MRPL30: variants seen among roughly 807,000 people sequenced by gnomAD.
The protein encoded by MRPL30 is mitochondrial ribosomal protein L30, also known as large ribosomal subunit protein uL30m.
Under a neutral mutation model 17.2 loss-of-function variants are expected in MRPL30, and 10 were observed. The ratio of observed to expected loss-of-function variants is 0.58; its 90% CI spans 0.36 to 0.99. MRPL30 has a LOEUF of 0.99. MRPL30 is among the 50% of genes least tolerant of loss of function. The pLI is 0.01. For synonymous variants in MRPL30, 61 were observed against 62.1 expected (o/e 0.98, Z 0.08); for missense variants, 170 against 189.8 (o/e 0.90, Z 0.61).
chr2:99,193,880 A>G (rs2093950940), intron 3 of MRPL30, among the ~76,000 whole-genome samples: 1 of 152,092 alleles, frequency 6.6e-6, no homozygotes, highest in Non-Finnish European at 1.5e-5. Context: ...TCTACCAAAA[A>G]TAGAAAAATT....
Position 99,199,112 on chromosome 2 carries a change from G to A in MRPL30, c.*3407G>A, listed in dbSNP as rs1042578572. Among the ~76,000 whole-genome samples the A allele has an allele frequency of 5.3e-5, 8 of 151,974 alleles. No homozygotes were observed. The highest frequency in any genetic ancestry group is 1.9e-4 in the African/African-American group (8 of 41,376). ...ATGAAAAGCAAAGAAACTTCCATGCGGAGATTGTCTTGTTTTTCTCAAAAT... is the reference window on the plus strand; with the variant it reads ...ATGAAAAGCAAAGAAACTTCCATGCAGAGATTGTCTTGTTTTTCTCAAAAT... On this transcript the variant is annotated 3_prime_UTR_variant, in exon 6 of 6. Coordinates refer to ENST00000338148, the MANE Select transcript of MRPL30 (RefSeq NM_145212.4).
Position 99,188,267 on chromosome 2 carries a change from A to G in MRPL30, c.132+10A>G, listed in dbSNP as rs757305107. 6.3e-7 allele frequency: 1 copy of G among 1,591,124 alleles called. No individual in the cohort carries two copies. The highest frequency in any genetic ancestry group is 2.2e-5 in the East Asian group (1 of 44,598). ...AAGAATTCCAGAAAAAGTAAGAACA[A>G]AGTTTGATTTTTTTAATGTTAGTGT... On this transcript the variant is annotated intron_variant, in intron 3 of 5. Coordinates refer to ENST00000338148, the MANE Select transcript of MRPL30 (RefSeq NM_145212.4).
chr2:99,191,144 T>C (rs2093944823), intron 3 of MRPL30, among the ~76,000 whole-genome samples: 2 of 151,974 alleles, frequency 1.3e-5, no homozygotes, highest in South Asian at 4.2e-4. Flanking sequence ...GTAGCTGGGA[T>C]TACAGGCATG....
Position 99,186,166 on chromosome 2 carries a change from A to T in MRPL30, c.-27-11A>T. 1 of 1,601,306 alleles carries T rather than the reference A, an allele frequency of 6.2e-7. No homozygotes were observed. Among genetic ancestry groups the T allele is most frequent in the South Asian group, 1.1e-5 (1 of 90,458 alleles). ...TAGTTGACTGATGGGTCTACTTCCT[A>T]CTTCCCACAGCCTCTAAAGAGAGCA... is the stretch of plus-strand genomic sequence containing the variant. On this transcript the variant is annotated splice_polypyrimidine_tract_variant and intron_variant, in intron 1 of 5. Transcript: ENST00000338148.
chr2:99,195,233 T>A (rs747484614), intron 5 of MRPL30, 44 bp downstream of exon 5: 1 of 1,501,558 alleles, frequency 6.7e-7, no homozygotes, highest in Non-Finnish European at 9.0e-7. Context: ...TATTGCCTAG[T>A]GTAATTCTAA....
intron 2 of MRPL30, 38 bp downstream of exon 2, chr2:99,186,292 C>T (rs777695654): frequency 1.3e-6 from 2 of 1,583,806 alleles, no homozygotes; most frequent in South Asian, 2.3e-5. Context: ...TTTTCTACCC[C>T]TTATGAATTT....
At position 99,191,706 on chromosome 2, in the gene MRPL30, T is replaced by C. The variant is rs115730687; in HGVS notation, c.133-3045T>C. 5.1e-3 allele frequency among the ~76,000 whole-genome samples: 784 copies of C among 152,318 alleles called. 7 individuals carry two copies. The highest frequency in any genetic ancestry group is 0.018 in the African/African-American group (759 of 41,580). On this transcript the variant is annotated intron_variant, in intron 3 of 5. Coordinates refer to ENST00000338148, the MANE Select transcript of MRPL30 (RefSeq NM_145212.4). ...CAGTCTCTATCCCCAGTTGGTTTTA[T>C]TCTTAGGTAAGAGTTTTCTTTGCAA...
At position 99,198,792 on chromosome 2, in the gene MRPL30, C is replaced by T. The variant is rs983668993; in HGVS notation, c.*3087C>T. Among the ~76,000 whole-genome samples, 4 of 152,158 alleles carry T rather than the reference C, an allele frequency of 2.6e-5. No individual in the cohort carries two copies. The highest frequency in any genetic ancestry group is 2.6e-4 in the Admixed American group (4 of 15,260). ...TTGAGGATTGCTTTGTTTAGTGTCA[C>T]CTGCCTTCTTTCAGGAGGTTTTGCC... On this transcript the variant is annotated 3_prime_UTR_variant, in exon 6 of 6. Coordinates refer to ENST00000338148, the MANE Select transcript of MRPL30 (RefSeq NM_145212.4).
At position 99,198,644 on chromosome 2, in the gene MRPL30, A is replaced by G. The variant is rs2093958798; in HGVS notation, c.*2939A>G. Among the ~76,000 whole-genome samples the G allele has an allele frequency of 6.6e-6, 1 of 152,142 alleles. No individual in the cohort carries two copies. ...TCCCCCAGCCAAACCTGAAAAGTCA[A>G]TCCTGGACCTTATCATAGTGGCTGT... On this transcript the variant is annotated 3_prime_UTR_variant, in exon 6 of 6. Transcript: ENST00000338148.
intron 1 of MRPL30, chr2:99,185,713 C>G: frequency 2.4e-6 from 1 of 414,716 alleles, no homozygotes; most frequent in Non-Finnish European, 4.9e-6. Context: ...TTCCAGACCA[C>G]AAACTTTATT....
chr2:99,186,499 A>G (rs1438211471), intron 2 of MRPL30, among the ~76,000 whole-genome samples: 2 of 151,910 alleles, frequency 1.3e-5, no homozygotes, highest in Non-Finnish European at 2.9e-5. Context: ...TGCCTGGCTA[A>G]TTTTTGTATT....
At chr2:99,189,995 C>T (rs963856327) in intron 3 of MRPL30, among the ~76,000 whole-genome samples, 1 of 151,114 alleles carries the variant, frequency 6.6e-6, no homozygotes, top group African/African-American at 2.4e-5. Context: ...TGTTGTGGTA[C>T]ACACCTGTAG....
intron 3 of MRPL30, among the ~76,000 whole-genome samples, chr2:99,192,871 A>T (rs918991333): frequency 2.0e-5 from 3 of 152,202 alleles, no homozygotes; most frequent in Non-Finnish European, 4.4e-5. Flanking sequence ...AACCATAAAA[A>T]CCTCAGAAGA....
Position 99,198,827 on chromosome 2 carries a change from G to A in MRPL30, c.*3122G>A, listed in dbSNP as rs1293017367. ...TTCAGGAGGTTTTGCCTGACATCTG[G>A]TGGTGACCGTGGCCACCAAGTCAAC... On this transcript the variant is annotated 3_prime_UTR_variant, in exon 6 of 6. Transcript: ENST00000338148. 6.6e-6 allele frequency among the ~76,000 whole-genome samples: 1 copy of A among 152,160 alleles called. No individual in the cohort carries two copies. The highest frequency in any genetic ancestry group is 2.4e-5 in the African/African-American group (1 of 41,438).
At chr2:99,181,509 C>T (rs2093921498) in intron 1 of MRPL30, among the ~76,000 whole-genome samples, 1 of 151,798 alleles carries the variant, frequency 6.6e-6, no homozygotes, top group African/African-American at 2.4e-5. Context: ...ACGGAGCCGC[C>T]GAGGCTGGAC....
At chr2:99,192,778 A>G (rs1041469811) in intron 3 of MRPL30, among the ~76,000 whole-genome samples, 3 of 152,194 alleles carry the variant, frequency 2.0e-5, no homozygotes, top group African/African-American at 7.2e-5. Flanking sequence ...GTCCAATGGT[A>G]TTTCTGGTTC....
rs538308978 is a variant in MRPL30, at chr2:99,184,768, A to G, written c.-27-1409A>G. Among the ~76,000 whole-genome samples the G allele has an allele frequency of 7.2e-5, 11 of 152,306 alleles. No homozygotes were observed. The South Asian group carries it at 1.5e-3, about 20-fold the overall frequency. On this transcript the variant is annotated intron_variant, in intron 1 of 5. Transcript: ENST00000338148. The stretch of plus-strand genomic sequence containing the variant: ...GTCTGGTAAAATAATTTAGCATTAG[A>G]TAGGTTCAGTTGCTGAGGAATGTTT...
rs1370927995 is a variant in MRPL30 at position 99,187,496 on chromosome 2, C to T, written c.52-681C>T. ...ATGGCCTTTAGGCCAAATTCAGCCTCCCACCTATTTTTGTAAATAACAGTT... is the reference window on the plus strand; with the variant it reads ...ATGGCCTTTAGGCCAAATTCAGCCTTCCACCTATTTTTGTAAATAACAGTT... On this transcript the variant is annotated intron_variant, in intron 2 of 5. Coordinates refer to ENST00000338148, the MANE Select transcript of MRPL30 (RefSeq NM_145212.4). 4.6e-5 allele frequency among the ~76,000 whole-genome samples: 7 copies of T among 152,324 alleles called. No homozygotes were observed. The South Asian group carries it at 6.2e-4, about 14-fold the overall frequency.
At position 99,188,271 on chromosome 2, in the gene MRPL30, T is replaced by C; in HGVS notation, c.132+14T>C. On this transcript the variant is annotated intron_variant, in intron 3 of 5. Coordinates refer to ENST00000338148, the MANE Select transcript of MRPL30 (RefSeq NM_145212.4). ...ATTCCAGAAAAAGTAAGAACAAAGT[T>C]TGATTTTTTTAATGTTAGTGTTGTT... 1 of 1,581,812 alleles carries C rather than the reference T, an allele frequency of 6.3e-7. No homozygotes were observed.
Sources: gnomAD v4.1 joint callset for allele counts (sites outside exome capture counted in the v4.1 genomes callset) on GRCh38, gnomAD v4.1.1 for gene constraint, MANE v1.5 for transcripts, NCBI Gene and HGNC (gene_info 2026-07-23, HGNC 2026-07-21) for gene names.